Variants in PRAG1 observed in about 807,000 individuals in gnomAD.
PRAG1 encodes PEAK1 related, kinase-activating pseudokinase 1.
PRAG1 carries 110 observed loss-of-function variants against 95.6 expected under a neutral mutation model. The ratio of observed to expected loss-of-function variants is 1.15; its 90% CI spans 0.99 to 1.35. PRAG1 has a LOEUF of 1.35. Among genes scored for constraint, PRAG1 ranks in the 40% most tolerant of loss-of-function variants. The pLI is 0.00. For synonymous variants in PRAG1, 1,052 were observed against 819.4 expected, an observed-to-expected ratio of 1.28 and a Z score of -4.85; for missense variants, 2,554 against 1,864.7, an observed-to-expected ratio of 1.37 and a Z score of -6.81.
chr8:8,349,518 G>A (rs1445155562), intron 3 of PRAG1, among the ~76,000 whole-genome samples: 2 of 151,906 alleles, frequency 1.3e-5, no homozygotes, highest in Admixed American at 6.6e-5. Flanking sequence ...TCCTGACCTC[G>A]TGATCCACCT....
rs1262186729 is a variant in PRAG1 at position 8,318,687 on chromosome 8, G to C, written c.3688C>G (p.Leu1230Val). 2 of 1,611,164 alleles carry C rather than the reference G, an allele frequency of 1.2e-6. No homozygotes were observed. Among genetic ancestry groups the C allele is most frequent in the African/African-American group, 1.3e-5 (1 of 74,796 alleles). Residue 1230 changes from leucine to valine, a missense_variant, in exon 6 of 6, where the codon CTG becomes GTG. Leu to Val is a conservative substitution (Grantham distance 32). Coordinates refer to ENST00000615670, the MANE Select transcript of PRAG1 (RefSeq NM_001080826.3). The surrounding 1 kb of genome is among the most constrained non-coding windows in gnomAD (Gnocchi z 4.2). Reference sequence around the variant, plus strand: ...CGGGCCTGGCTCTTCTTCTGCTGCAGGTTTGGGGTGCCGCCCGGCTTCTGC... The same window carrying C: ...CGGGCCTGGCTCTTCTTCTGCTGCACGTTTGGGGTGCCGCCCGGCTTCTGC... Reference protein sequence around the residue: ...AKQKPGGTPNLQQKKSQARLA... With the variant: ...AKQKPGGTPNVQQKKSQARLA...
chr8:8,345,540 C>T (rs1585241687), intron 3 of PRAG1, among the ~76,000 whole-genome samples: 1 of 152,214 alleles, frequency 6.6e-6, no homozygotes, highest in African/African-American at 2.4e-5. Context: ...CTTGTAATCC[C>T]AGCACTTTGG....
At chr8:8,320,393 C>G (rs2117096214) in intron 5 of PRAG1, among the ~76,000 whole-genome samples, 1 of 152,298 alleles carries the variant, frequency 6.6e-6, no homozygotes, top group South Asian at 2.1e-4. Flanking sequence ...CTCTGTCTTT[C>G]TCGCCTCCTC....
At chr8:8,338,831 G>A (rs899405204) in intron 4 of PRAG1, among the ~76,000 whole-genome samples, 1 of 152,188 alleles carries the variant, frequency 6.6e-6, no homozygotes, top group Non-Finnish European at 1.5e-5. Flanking sequence ...GAGAAACGCA[G>A]GAGAGGACAC....
intron 4 of PRAG1, among the ~76,000 whole-genome samples, chr8:8,333,091 C>A (rs762766038): frequency 9.9e-5 from 15 of 152,242 alleles, no homozygotes; most frequent in Non-Finnish European, 1.9e-4. Flanking sequence ...GAGACTAACT[C>A]AGACACATCC....
chr8:8,385,483 A>T (rs967025956), intron 1 of PRAG1, among the ~76,000 whole-genome samples: 1 of 152,164 alleles, frequency 6.6e-6, no homozygotes, highest in Non-Finnish European at 1.5e-5. Context: ...TTTCTGTCAA[A>T]TTTTCTTCTC....
chr8:8,363,578 G>C (rs1799913029), intron 3 of PRAG1, among the ~76,000 whole-genome samples: 1 of 152,190 alleles, frequency 6.6e-6, no homozygotes. Context: ...GAAACAGGAA[G>C]TTGTTTAAAG....
chr8:8,369,537 G>A (rs1054831694), intron 3 of PRAG1, among the ~76,000 whole-genome samples: 1 of 152,086 alleles, frequency 6.6e-6, no homozygotes, highest in Non-Finnish European at 1.5e-5. Context: ...TCTGGAAAAC[G>A]AAATAAACAC....
chr8:8,351,840 C>A (rs530833792), intron 3 of PRAG1, among the ~76,000 whole-genome samples: 1 of 152,280 alleles, frequency 6.6e-6, no homozygotes, highest in East Asian at 1.9e-4. Context: ...TCCTTTCTCC[C>A]TTCACACCAT....
Position 8,318,906 on chromosome 8 carries a change from T to C in PRAG1, c.3469A>G (p.Thr1157Ala). 3.1e-6 allele frequency: 5 copies of C among 1,599,692 alleles called. No individual in the cohort carries two copies. The highest frequency in any genetic ancestry group is 2.3e-5 in the East Asian group (1 of 44,172). ...CLENLLLVHCTLQAGPGPAPA... is the reference protein window; with the variant it reads ...CLENLLLVHCALQAGPGPAPA... ...GCGGGCCCGGGGCCGGCCTGGAGGG[T>C]GCAGTGCACCAGCAGCAGGTTCTCC... Residue 1157 changes from threonine (T) to alanine (A), a missense_variant, in exon 6 of 6, where the codon ACC (threonine) becomes GCC (alanine). By Grantham distance (58) the Thr-to-Ala change is moderately conservative. Transcript: ENST00000615670. The surrounding 1 kb of genome is among the most constrained non-coding windows in gnomAD (Gnocchi z 4.2).
Position 8,318,297 on chromosome 8 carries a change from C to G in PRAG1, c.4078G>C (p.Ala1360Pro). Residue 1360 changes from alanine (A) to proline (P), a missense_variant, in exon 6 of 6, where the codon GCC becomes CCC. Ala to Pro is a conservative substitution (Grantham distance 27). Coordinates refer to ENST00000615670, the MANE Select transcript of PRAG1 (RefSeq NM_001080826.3). The surrounding 1 kb of genome is among the most constrained non-coding windows in gnomAD (Gnocchi z 4.2). Reference protein sequence around the residue: ...TLHNWIDMKRALMMMKFAEKA... With the variant: ...TLHNWIDMKRPLMMMKFAEKA... Reference sequence around the variant, plus strand: ...TCCGCAAACTTCATCATCATCAGGGCCCGCTTCATGTCGATCCAGTTGTGC... The same window carrying G: ...TCCGCAAACTTCATCATCATCAGGGGCCGCTTCATGTCGATCCAGTTGTGC... The G allele has an allele frequency of 1.2e-6, 2 of 1,614,188 alleles. No homozygotes were observed. The highest frequency in any genetic ancestry group is 1.7e-6 in the Non-Finnish European group (2 of 1,180,008).
chr8:8,376,135 C>A lies in PRAG1; in HGVS notation c.2162+112G>T, dbSNP rs542300913. The stretch of plus-strand genomic sequence containing the variant: ...GGAAATTTACATAAAGGCACAAGGG[C>A]CTTTGGGCAGATTCTGGGACCTGGG... On this transcript the variant is annotated intron_variant, in intron 3 of 5. Transcript: ENST00000615670. The A allele has an allele frequency of 4.2e-6, 6 of 1,424,734 alleles. No individual in the cohort carries two copies. In the Admixed American group the frequency reaches 6.7e-5, roughly 16 times the overall value. The allele number at this position is 1,424,734 out of a possible 1,614,324, so 88.3% of individuals were successfully genotyped here.
chr8:8,339,973 A>G (rs938750621), intron 3 of PRAG1, among the ~76,000 whole-genome samples: 3 of 152,242 alleles, frequency 2.0e-5, no homozygotes, highest in Non-Finnish European at 4.4e-5. Context: ...AATCTCTACA[A>G]AGAAAAATAA....
At chr8:8,347,250 A>T (rs2116856555) in intron 3 of PRAG1, among the ~76,000 whole-genome samples, 1 of 152,304 alleles carries the variant, frequency 6.6e-6, no homozygotes, top group Non-Finnish European at 1.5e-5. Flanking sequence ...CCCAAGGGGC[A>T]GCCCTTGGGT....
intron 4 of PRAG1, among the ~76,000 whole-genome samples, chr8:8,330,277 G>A (rs1476528401): frequency 6.6e-6 from 1 of 152,080 alleles, no homozygotes; most frequent in African/African-American, 2.4e-5. Flanking sequence ...GAGGGGAGAG[G>A]ATCACTTGAA....
chr8:8,373,972 T>A (rs1401466499), intron 3 of PRAG1, among the ~76,000 whole-genome samples: 1 of 152,174 alleles, frequency 6.6e-6, no homozygotes, highest in Non-Finnish European at 1.5e-5. Flanking sequence ...CCCGAGATTC[T>A]TAAAGGAGTA....
intron 2 of PRAG1, 103 bp from the exon 3 acceptor site, chr8:8,378,181 T>G: frequency 1.6e-5 from 22 of 1,368,626 alleles, no homozygotes; most frequent in Non-Finnish European, 2.0e-5. Flanking sequence ...GTAGAATGTC[T>G]TCTGTAGTGC....
chr8:8,384,212 C>G (rs182313267), intron 1 of PRAG1, among the ~76,000 whole-genome samples: 1 of 152,110 alleles, frequency 6.6e-6, no homozygotes, highest in African/African-American at 2.4e-5. Flanking sequence ...GCCTCCTCAA[C>G]AGGCAAGTAA....
chr8:8,335,454 G>GA (rs1163330072), intron 4 of PRAG1, among the ~76,000 whole-genome samples: 5 of 152,054 alleles, frequency 3.3e-5, no homozygotes, highest in Admixed American at 1.3e-4. Context: ...GGATGATACA[G>GA]AAAAAAATCT....
Sources: allele counts gnomAD v4.1 joint callset (sites outside exome capture counted in the v4.1 genomes callset), GRCh38; gene constraint gnomAD v4.1.1; non-coding constraint Gnocchi (gnomAD v3.1); transcripts MANE v1.5; gene names NCBI Gene and HGNC (gene_info 2026-07-23, HGNC 2026-07-21).